TNC: variants seen among roughly 807,000 people sequenced by gnomAD.
The protein encoded by TNC is tenascin.
In TNC, 109 loss-of-function variants were observed where a neutral mutation model predicts 202.4. The ratio of observed to expected loss-of-function variants is 0.54; its 90% confidence interval spans 0.46 to 0.63. TNC has a LOEUF of 0.63. Among genes scored for constraint, TNC ranks in the 30% least tolerant of loss-of-function variants. The pLI is 0.00. For synonymous variants in TNC, 1,007 were observed against 1,089.7 expected (o/e 0.92, Z 1.50); for missense variants, 2,756 against 2,833.3 (o/e 0.97, Z 0.62).
rs919993760 is a variant in TNC at position 115,117,726 on chromosome 9, A to G, written c.-137+256T>C. Among the ~76,000 whole-genome samples the G allele has an allele frequency of 2.6e-5, 4 of 152,334 alleles. No homozygotes were observed. In the East Asian group the frequency reaches 7.7e-4, roughly 29 times the overall value. On this transcript the variant is annotated intron_variant, in intron 1 of 27. Coordinates refer to ENST00000350763, the MANE Select transcript of TNC (RefSeq NM_002160.4). ...AAAATTTTTACTTTTCCTCTGCAGA[A>G]CAGCAGAAGATAACAACTTTACGAA...
chr9:115,095,787 T>A (rs114214728), intron 1 of TNC, among the ~76,000 whole-genome samples: 2,837 of 148,540 alleles, frequency 0.019, 94 homozygotes, highest in African/African-American at 0.067. Context: ...TAACATAATA[T>A]TACATATTAT....
Position 115,075,814 on chromosome 9 carries a change from C to T in TNC, c.2950+218G>A, listed in dbSNP as rs7026596. Among the ~76,000 whole-genome samples, 40,085 of 151,928 alleles carry T rather than the reference C, an allele frequency of 0.26. 5,669 individuals are homozygous for T. Among genetic ancestry groups the T allele is most frequent in the African/African-American group, 0.36 (15,063 of 41,396 alleles). Reference sequence around the variant, plus strand: ...CAACAACAACAACAAACACAAAATCCCCAGTCCCCTTTTCCATACAGGGGA... The same window carrying T: ...CAACAACAACAACAAACACAAAATCTCCAGTCCCCTTTTCCATACAGGGGA... On this transcript the variant is annotated intron_variant, in intron 9 of 27. Transcript: ENST00000350763.
chr9:115,033,438 C>T (rs1442972990), intron 22 of TNC, among the ~76,000 whole-genome samples: 2 of 152,028 alleles, frequency 1.3e-5, no homozygotes, highest in Non-Finnish European at 1.5e-5. Flanking sequence ...ATTTTCTAGG[C>T]AATTAGGGTA....
chr9:115,082,599 A>G, intron 5 of TNC, 93 bp downstream of exon 5: 1 of 853,672 alleles, frequency 1.2e-6, no homozygotes, highest in Non-Finnish European at 1.9e-6. Flanking sequence ...ACCAAAAACT[A>G]AGGAAAATTA....
At chr9:115,107,472 T>G (rs1209389660) in intron 1 of TNC, among the ~76,000 whole-genome samples, 11 of 152,214 alleles carry the variant, frequency 7.2e-5, no homozygotes, top group Non-Finnish European at 1.3e-4. Flanking sequence ...AAACTAACAT[T>G]TTGTTGAGTG....
chr9:115,111,635 T>A (rs1000619954), intron 1 of TNC, among the ~76,000 whole-genome samples: 1 of 151,936 alleles, frequency 6.6e-6, no homozygotes, highest in Non-Finnish European at 1.5e-5. Context: ...GGTCTCGAAC[T>A]CCTAACCTCA....
At position 115,019,621 on chromosome 9, in the gene TNC, T is replaced by C. The variant is rs1247378029; in HGVS notation, c.*1536A>G. On this transcript the variant is annotated 3_prime_UTR_variant, in exon 28 of 28. Transcript: ENST00000350763. ...TTATTGAGTAGTAGCCACAATCAAG[T>C]CATTGGGTTTCTATGAACCCCAGTC... 6.6e-6 allele frequency: 1 copy of C among 152,252 alleles called. No homozygotes were observed. The highest frequency in any genetic ancestry group is 1.5e-5 in the Non-Finnish European group (1 of 68,042). 9.4% of individuals were successfully genotyped at this position (152,252 alleles called of 1,614,324 possible).
At chr9:115,096,269 T>A (rs1265363914) in intron 1 of TNC, among the ~76,000 whole-genome samples, 3 of 152,292 alleles carry the variant, frequency 2.0e-5, no homozygotes, top group African/African-American at 7.2e-5. Context: ...AATTCATTGG[T>A]CTTGAATTCG....
intron 17 of TNC, among the ~76,000 whole-genome samples, chr9:115,043,922 G>T (rs1830971848): frequency 6.6e-6 from 1 of 152,230 alleles, no homozygotes; most frequent in African/African-American, 2.4e-5. Context: ...TGTGGGTAAA[G>T]AAATTCTGCT....
intron 27 of TNC, 119 bp downstream of exon 27, chr9:115,023,854 C>T: frequency 4.2e-6 from 5 of 1,192,980 alleles, no homozygotes; most frequent in South Asian, 1.5e-5. Flanking sequence ...AACATGTTGT[C>T]ATACAAGTAA....
In TNC at chr9:115,076,397, T is replaced by C. The variant is rs767260388; in HGVS notation, c.2853A>G (p.Thr951=). The C allele has an allele frequency of 6.2e-7, 1 of 1,613,802 alleles. No homozygotes were observed. The change falls in exon 8 of 28, where the codon ACA becomes ACG. Residue 951 remains threonine (T), a synonymous_variant. Transcript: ENST00000350763. ...PKSQQATTKT[T]LTGLRPGTEY... ...CAGAGATGCAGAGCTCACCTGTGAGTGTGGTTTTGGTTGTGGCTTGTTGGC... is the reference window on the plus strand; with the variant it reads ...CAGAGATGCAGAGCTCACCTGTGAGCGTGGTTTTGGTTGTGGCTTGTTGGC...
intron 1 of TNC, among the ~76,000 whole-genome samples, chr9:115,093,888 G>A (rs944933785): frequency 2.6e-5 from 4 of 152,094 alleles, no homozygotes; most frequent in African/African-American, 9.7e-5. Flanking sequence ...TTATTCTTGA[G>A]CATTGTGTAT....
chr9:115,084,503 C>A, intron 3 of TNC, 31 bp from the exon 4 acceptor site: 2 of 1,606,048 alleles, frequency 1.2e-6, no homozygotes, highest in South Asian at 1.1e-5. Flanking sequence ...CATCTGGTGT[C>A]AACAGTGTGT....
chr9:115,047,933 T>G (rs1831330293), intron 16 of TNC, among the ~76,000 whole-genome samples: 1 of 152,146 alleles, frequency 6.6e-6, no homozygotes, highest in Non-Finnish European at 1.5e-5. Context: ...TTGAGAAGGC[T>G]GAAATGTAGC....
chr9:115,107,295 A>G (rs779386083), intron 1 of TNC, among the ~76,000 whole-genome samples: 28 of 152,232 alleles, frequency 1.8e-4, no homozygotes, highest in Admixed American at 9.8e-4. Flanking sequence ...GGCAGCAGCT[A>G]TAGATAATAC....
chr9:115,110,953 A>C (rs979079277), intron 1 of TNC, among the ~76,000 whole-genome samples: 2 of 147,156 alleles, frequency 1.4e-5, no homozygotes, highest in Non-Finnish European at 3.0e-5. Flanking sequence ...GATCTCGGCT[A>C]ACTGCAAGCT....
In TNC at chr9:115,073,887, T is replaced by A. The variant is rs748566839; in HGVS notation, c.2951-21A>T. The A allele has an allele frequency of 4.4e-6, 7 of 1,601,574 alleles. No individual in the cohort carries two copies. In the South Asian group the frequency reaches 6.6e-5, roughly 15 times the overall value. Reference sequence around the variant, plus strand: ...CAACTCTGGGAGGAGAACAGAGAGATGAATGCTCTTCAGGCTGCAAGACAG... The same window carrying A: ...CAACTCTGGGAGGAGAACAGAGAGAAGAATGCTCTTCAGGCTGCAAGACAG... On this transcript the variant is annotated intron_variant, in intron 9 of 27. Transcript: ENST00000350763.
chr9:115,035,645 A>G, intron 21 of TNC: 1 of 289,966 alleles, frequency 3.4e-6, no homozygotes, highest in East Asian at 6.9e-5. Context: ...ATGAATGCTA[A>G]TATCAATACT....
chr9:115,069,395 G>A (rs1434656804), intron 10 of TNC, among the ~76,000 whole-genome samples: 1 of 151,798 alleles, frequency 6.6e-6, no homozygotes, highest in African/African-American at 2.4e-5. Context: ...CAAAAGCAGA[G>A]AGAAAAGGGA....
Sources: allele counts gnomAD v4.1 joint callset (sites outside exome capture counted in the v4.1 genomes callset), GRCh38; gene constraint gnomAD v4.1.1; transcripts MANE v1.5; gene names NCBI Gene and HGNC (gene_info 2026-07-23, HGNC 2026-07-21).